PI16: variants seen among roughly 807,000 people sequenced by gnomAD.
The protein encoded by PI16 is peptidase inhibitor 16, also known as PSP94-binding protein.
In PI16, 35 loss-of-function variants were observed where a neutral mutation model predicts 38.0. The observed-to-expected ratio is 0.92, with a 90% CI of 0.70 to 1.22. PI16 has a LOEUF of 1.22. Ranked by LOEUF, PI16 falls within the 50% of genes most tolerant of loss-of-function variation. The pLI, the probability that PI16 is intolerant of heterozygous loss-of-function variation, is 0.00. For missense variants in PI16, 572 were observed against 593.8 expected, an observed-to-expected ratio of 0.96 and a Z score of 0.38; for synonymous variants, 275 against 252.9, an observed-to-expected ratio of 1.09 and a Z score of -0.83.
At chr6:36,957,454 C>G (rs1351158177) in intron 1 of PI16, among the ~76,000 whole-genome samples, 1 of 152,148 alleles carries the variant, frequency 6.6e-6, no homozygotes, top group East Asian at 1.9e-4. Context: ...CTGTCATTTA[C>G]CATGTGGTGG....
chr6:36,952,910 T>C (rs541555083), upstream of PI16, among the ~76,000 whole-genome samples: 3 of 152,342 alleles, frequency 2.0e-5, no homozygotes, highest in South Asian at 4.1e-4. Flanking sequence ...CTTAGCAATA[T>C]CAAGTCTTCT....
chr6:36,963,703 T>C (rs1424852321), intron 5 of PI16, 91 bp downstream of exon 5: 2 of 1,547,414 alleles, frequency 1.3e-6, no homozygotes, highest in Non-Finnish European at 1.8e-6. Flanking sequence ...TGGTGGGGCA[T>C]GCACCCTCTG....
chr6:36,961,687 G>A (rs1374801547), intron 3 of PI16, 127 bp downstream of exon 3: 10 of 964,552 alleles, frequency 1.0e-5, no homozygotes, highest in Non-Finnish European at 1.5e-5. Flanking sequence ...ATACTGTCCA[G>A]GGAGCTGTGA....
At chr6:36,960,325 ATGTGTGTGTGTG>A (rs10664545) in intron 2 of PI16, among the ~76,000 whole-genome samples, 14 of 139,916 alleles carry the variant, frequency 1.0e-4, no homozygotes, top group South Asian at 5.0e-4. Flanking sequence ...TGCAGATAAG[ATGTGTGTGTGTG>A]TGTGTGTGTG....
In PI16 at chr6:36,962,023, G is replaced by A. The variant is rs1763380785; in HGVS notation, c.592+49G>A. 6.8e-7 allele frequency: 1 copy of A among 1,472,912 alleles called. No individual in the cohort carries two copies. The highest frequency in any genetic ancestry group is 9.5e-7 in the Non-Finnish European group (1 of 1,051,462). 91.2% of individuals were successfully genotyped at this position (1,472,912 alleles called of 1,614,324 possible). ...GGGGCAGGGGGTGTGGAAATGATGCGATGCAGACTGGATGGTCTAAGAGCC... is the reference window on the plus strand; with the variant it reads ...GGGGCAGGGGGTGTGGAAATGATGCAATGCAGACTGGATGGTCTAAGAGCC... On this transcript the variant is annotated intron_variant, in intron 4 of 6. Coordinates refer to ENST00000373674, the MANE Select transcript of PI16 (RefSeq NM_153370.3). The surrounding 1 kb of genome is among the most constrained non-coding windows in gnomAD (Gnocchi z 4.1).
rs1261418890 is a variant in PI16, at chr6:36,963,409, A to G, written c.1067A>G (p.Glu356Gly). 1 of 1,611,480 alleles carries G rather than the reference A, an allele frequency of 6.2e-7. No homozygotes were observed. The highest frequency in any genetic ancestry group is 8.5e-7 in the Non-Finnish European group (1 of 1,177,928). ...ARELLPHAQEEAEAEAELPPS... is the reference protein window; with the variant it reads ...ARELLPHAQEGAEAEAELPPS... The stretch of plus-strand genomic sequence containing the variant: ...GAACTCCTACCCCATGCCCAGGAGG[A>G]GGCTGAGGCTGAGGCTGAGTTGCCT... Residue 356 changes from glutamate (E) to glycine (G), a missense_variant, in exon 5 of 7, where the codon GAG (glutamate) becomes GGG (glycine). Glu to Gly is a moderately conservative substitution (Grantham distance 98). Coordinates refer to ENST00000373674, the MANE Select transcript of PI16 (RefSeq NM_153370.3).
intron 1 of PI16, among the ~76,000 whole-genome samples, chr6:36,956,897 A>G (rs1763221729): frequency 1.3e-5 from 2 of 152,198 alleles, no homozygotes; most frequent in South Asian, 4.1e-4. Flanking sequence ...CTCAGCCTCC[A>G]GAGCTAATCA....
In PI16 at chr6:36,959,156, G is replaced by T; in HGVS notation, c.183G>T (p.Glu61Asp). ...ASDMLHMRWDEELAAFAKAYA... is the reference protein window; with the variant it reads ...ASDMLHMRWDDELAAFAKAYA... ...CACCTGCCCTGCAGAGATGGGACGA[G>T]GAGCTGGCCGCCTTCGCCAAGGCCT... is the stretch of plus-strand genomic sequence containing the variant. The change falls in exon 2 of 7, where the codon GAG becomes GAT. Residue 61 changes from glutamate to aspartate, a missense_variant. Transcript: ENST00000373674. The T allele has an allele frequency of 1.2e-6, 2 of 1,609,020 alleles. No individual in the cohort carries two copies.
upstream of PI16, among the ~76,000 whole-genome samples, chr6:36,951,669 C>T (rs762581832): frequency 2.0e-5 from 3 of 152,026 alleles, no homozygotes; most frequent in African/African-American, 4.8e-5. Flanking sequence ...GAGGCCAAGG[C>T]GGGCAGATTA....
intron 1 of PI16, among the ~76,000 whole-genome samples, chr6:36,957,579 A>G (rs1026521329): frequency 3.9e-5 from 6 of 152,096 alleles, no homozygotes; most frequent in Non-Finnish European, 7.4e-5. Context: ...TTGCTTCTAG[A>G]TGGTGACCAT....
At chr6:36,950,418 C>T (rs944374163), upstream of PI16, among the ~76,000 whole-genome samples, 5 of 152,242 alleles carry the variant, frequency 3.3e-5, no homozygotes, top group African/African-American at 9.6e-5. This position sits in a 1 kb window ranked among gnomAD's most constrained non-coding sequence, Gnocchi z 4.2. Flanking sequence ...TATATGTGAT[C>T]GTACATTTTG....
At chr6:36,961,629 G>A in intron 3 of PI16, 69 bp downstream of exon 3, 1 of 1,416,706 alleles carries the variant, frequency 7.1e-7, no homozygotes, top group East Asian at 2.3e-5. Flanking sequence ...GGAGGGCAGA[G>A]TCGGCCACAG....
upstream of PI16, among the ~76,000 whole-genome samples, chr6:36,953,190 A>G (rs909512723): frequency 3.9e-5 from 6 of 151,956 alleles, no homozygotes; most frequent in South Asian, 6.2e-4. Context: ...GGTAGCAGCT[A>G]TGGTGGGCAG....
chr6:36,952,131 C>T (rs1429124041), upstream of PI16, among the ~76,000 whole-genome samples: 3 of 151,616 alleles, frequency 2.0e-5, no homozygotes, highest in South Asian at 6.3e-4. Flanking sequence ...GTAGCTGGGA[C>T]TACAGGCGCC....
upstream of PI16, among the ~76,000 whole-genome samples, chr6:36,950,540 G>A (rs953476170): frequency 6.6e-6 from 1 of 150,762 alleles, no homozygotes; most frequent in Non-Finnish European, 1.5e-5. The surrounding 1 kb of genome is among the most constrained non-coding windows in gnomAD (Gnocchi z 4.2). Context: ...ATTTGTTTGA[G>A]TCCCTGCTTT....
At chr6:36,960,650 C>G (rs1014368365) in intron 2 of PI16, among the ~76,000 whole-genome samples, 3 of 144,880 alleles carry the variant, frequency 2.1e-5, no homozygotes, top group South Asian at 2.3e-4. Context: ...CCACCCCCCC[C>G]CTCCCTCTAC....
chr6:36,954,831 C>G lies in PI16; in HGVS notation c.71C>G (p.Pro24Arg). The change falls in exon 1 of 7, where the codon CCC becomes CGC. Residue 24 changes from proline (P) to arginine (R), a missense_variant. Transcript: ENST00000373674. The part of the protein sequence containing the change: ...LLLLLVATTG[P>R]VGALTDEEKR... ...CTACTGCTGGTGGCCACCACAGGCC[C>G]CGTTGGAGCCCTCACAGATGAGGAG... The G allele has an allele frequency of 6.2e-7, 1 of 1,614,156 alleles. No individual in the cohort carries two copies. The highest frequency in any genetic ancestry group is 1.1e-5 in the South Asian group (1 of 91,082).
At chr6:36,953,776 A>T (rs1763139046), upstream of PI16, among the ~76,000 whole-genome samples, 1 of 152,170 alleles carries the variant, frequency 6.6e-6, no homozygotes, top group African/African-American at 2.4e-5. Flanking sequence ...CCTGACTGCT[A>T]AGGCTATTTC....
chr6:36,959,459 T>G (rs1309996919), intron 2 of PI16, 93 bp downstream of exon 2: 1 of 1,239,482 alleles, frequency 8.1e-7, no homozygotes, highest in African/African-American at 1.5e-5. Context: ...CCTTCACCCC[T>G]CCTAAGCGTC....
Sources: allele counts gnomAD v4.1 joint callset (sites outside exome capture counted in the v4.1 genomes callset), GRCh38; gene constraint gnomAD v4.1.1; non-coding constraint Gnocchi (gnomAD v3.1); transcripts MANE v1.5; gene names NCBI Gene and HGNC (gene_info 2026-07-23, HGNC 2026-07-21).